Variants in LATS1 observed in about 807,000 individuals in gnomAD.
The protein encoded by LATS1 is large tumor suppressor kinase 1, also known as serine/threonine-protein kinase LATS1.
LATS1 carries 25 observed loss-of-function variants against 106.6 expected under a neutral mutation model. The ratio of observed to expected loss-of-function variants is 0.23; its 90% CI spans 0.17 to 0.33. The LOEUF (loss-of-function observed/expected upper bound fraction) is 0.33. LATS1 is among the 10% of genes least tolerant of loss of function. LATS1 has a pLI of 1.00. For missense variants in LATS1, 1,040 were observed against 1,382.6 expected (o/e 0.75, Z 3.93); for synonymous variants, 465 against 455.6 (o/e 1.02, Z -0.26).
At chr6:149,677,007 G>A (rs1562326006) in intron 5 of LATS1, among the ~76,000 whole-genome samples, 2 of 152,196 alleles carry the variant, frequency 1.3e-5, no homozygotes, top group Non-Finnish European at 1.5e-5. Context: ...GAGTCATGGG[G>A]AGATTAAGAG....
rs1303471024 is a variant in LATS1, at chr6:149,676,054, T to C, written c.2883+206A>G. ...TGTTTGTAGAGATGTGGTCTCACAT[T>C]GTTGCCAGGCTGATCTTGAACTCCT... On this transcript the variant is annotated intron_variant, in intron 7 of 7. Coordinates refer to ENST00000543571, the MANE Select transcript of LATS1 (RefSeq NM_004690.4). The C allele has an allele frequency of 5.7e-6, 3 of 521,968 alleles. No homozygotes were observed. In the East Asian group the frequency reaches 9.8e-5, roughly 17 times the overall value. The allele number at this position is 521,968 out of a possible 1,614,324, so 32.3% of individuals were successfully genotyped here.
At chr6:149,677,710 C>T (rs946539297) in intron 5 of LATS1, among the ~76,000 whole-genome samples, 1 of 152,010 alleles carries the variant, frequency 6.6e-6, no homozygotes, top group South Asian at 2.1e-4. Flanking sequence ...ATGAAGTCAC[C>T]TAGAATATAA....
At chr6:149,676,495 T>C in intron 6 of LATS1, 60 bp downstream of exon 6, 1 of 1,500,088 alleles carries the variant, frequency 6.7e-7, no homozygotes, top group Non-Finnish European at 9.2e-7. Flanking sequence ...AGGCATATTC[T>C]AGTGTCGTTT....
chr6:149,692,834 C>T (rs1013236564), intron 3 of LATS1, among the ~76,000 whole-genome samples: 4 of 151,952 alleles, frequency 2.6e-5, no homozygotes, highest in African/African-American at 9.7e-5. Context: ...GCCACCACAC[C>T]CAGCTAATTT....
At chr6:149,669,824 G>A (rs952334598) in intron 7 of LATS1, among the ~76,000 whole-genome samples, 2 of 151,842 alleles carry the variant, frequency 1.3e-5, no homozygotes, top group African/African-American at 4.9e-5. Flanking sequence ...GACCTATATG[G>A]CAGTATGGTT....
chr6:149,716,048 A>G (rs1017490335), intron 1 of LATS1, among the ~76,000 whole-genome samples: 4 of 145,886 alleles, frequency 2.7e-5, no homozygotes, highest in African/African-American at 1.0e-4. Context: ...ACAGATCGCC[A>G]TTTTTTTTTT....
At chr6:149,703,667 C>G (rs1278876517) in intron 1 of LATS1, among the ~76,000 whole-genome samples, 1 of 151,922 alleles carries the variant, frequency 6.6e-6, no homozygotes, top group Non-Finnish European at 1.5e-5. Context: ...AATTTGAGAC[C>G]AGCCTGGGCA....
At chr6:149,681,930 T>C (rs1052794765) in intron 4 of LATS1, among the ~76,000 whole-genome samples, 2 of 151,924 alleles carry the variant, frequency 1.3e-5, no homozygotes, top group South Asian at 4.2e-4. Context: ...CTGGCCAACA[T>C]GGTGAAACCC....
rs562508258 is a variant in LATS1 at position 149,704,709 on chromosome 6, G to A, written c.-140-2443C>T. 1.6e-4 allele frequency among the ~76,000 whole-genome samples: 24 copies of A among 151,732 alleles called. 1 individual carries two copies. The East Asian group carries it at 4.1e-3, about 26-fold the overall frequency. On this transcript the variant is annotated intron_variant, in intron 1 of 7. Transcript: ENST00000543571. ...TTGCTCAGGCTGGTCTTGAACTCCT[G>A]GGTTCAAGTGCTCAGGTAAGCCTCC... is the stretch of plus-strand genomic sequence containing the variant.
chr6:149,676,438 C>T, intron 6 of LATS1, 72 bp from the exon 7 acceptor site: 4 of 1,354,226 alleles, frequency 3.0e-6, no homozygotes, highest in Non-Finnish European at 3.1e-6. Context: ...ATTAAATCAC[C>T]AATTTATACT....
At chr6:149,667,322 G>A (rs1331038989) in intron 7 of LATS1, among the ~76,000 whole-genome samples, 2 of 150,996 alleles carry the variant, frequency 1.3e-5, no homozygotes, top group East Asian at 3.9e-4. Context: ...CAGTCCCAGC[G>A]ACTCAGGAGG....
At chr6:149,682,733 A>C (rs1055305972) in intron 4 of LATS1, among the ~76,000 whole-genome samples, 1 of 152,060 alleles carries the variant, frequency 6.6e-6, no homozygotes, top group Admixed American at 6.6e-5. Flanking sequence ...ACATATTTCT[A>C]GTTTATTTTT....
At chr6:149,679,104 G>A (rs1288225161) in intron 5 of LATS1, among the ~76,000 whole-genome samples, 5 of 151,974 alleles carry the variant, frequency 3.3e-5, no homozygotes, top group South Asian at 4.2e-4. Context: ...TAAAAGGATC[G>A]ATAAAAGTAA....
At chr6:149,695,552 T>C (rs1364767393) in intron 2 of LATS1, among the ~76,000 whole-genome samples, 5 of 152,162 alleles carry the variant, frequency 3.3e-5, no homozygotes, top group African/African-American at 4.8e-5. Context: ...TGGCGCACGC[T>C]TGTAATTCCA....
At chr6:149,675,832 C>CAG (rs1323498906) in intron 7 of LATS1, 6 of 159,378 alleles carry the variant, frequency 3.8e-5, no homozygotes, top group African/African-American at 1.4e-4. Flanking sequence ...GGTAGGATTA[C>CAG]AGGCATGAGC....
chr6:149,711,427 C>A (rs930206759), intron 1 of LATS1, among the ~76,000 whole-genome samples: 1 of 151,986 alleles, frequency 6.6e-6, no homozygotes, highest in African/African-American at 2.4e-5. Flanking sequence ...GCCTGTAGTC[C>A]CAGCTACTCA....
chr6:149,703,760 C>T (rs986113259), intron 1 of LATS1, among the ~76,000 whole-genome samples: 1 of 151,940 alleles, frequency 6.6e-6, no homozygotes, highest in African/African-American at 2.4e-5. Context: ...ACATTTAATT[C>T]TCTGAAACTG....
intron 3 of LATS1, among the ~76,000 whole-genome samples, chr6:149,688,673 T>C (rs1475303523): frequency 6.6e-6 from 1 of 152,088 alleles, no homozygotes; most frequent in African/African-American, 2.4e-5. Context: ...TCCAATGACA[T>C]TGGTAAACAA....
At chr6:149,666,743 C>T (rs1212368380) in intron 7 of LATS1, among the ~76,000 whole-genome samples, 6 of 151,476 alleles carry the variant, frequency 4.0e-5, no homozygotes, top group East Asian at 2.0e-4. Context: ...GAGATCGAGA[C>T]CATCCTGGCT....
Sources: allele counts gnomAD v4.1 joint callset (sites outside exome capture counted in the v4.1 genomes callset), GRCh38; gene constraint gnomAD v4.1.1; transcripts MANE v1.5; gene names NCBI Gene and HGNC (gene_info 2026-07-23, HGNC 2026-07-21).